Variants in PROM2 observed in about 807,000 individuals in gnomAD.
The protein encoded by PROM2 is prominin-2.
In PROM2, 90 loss-of-function variants were observed where a neutral mutation model predicts 110.2. That is an observed-to-expected ratio of 0.82 (90% confidence interval 0.69 to 0.97). The LOEUF is 0.97. Ranked by LOEUF, PROM2 falls within the 50% of genes least tolerant of loss-of-function variation. The pLI, the probability that PROM2 is intolerant of heterozygous loss-of-function variation, is 0.00. For missense variants in PROM2, 1,009 were observed against 1,074.8 expected, an observed-to-expected ratio of 0.94 and a Z score of 0.86; for synonymous variants, 470 against 467.8, an observed-to-expected ratio of 1.00 and a Z score of -0.06.
At chr2:95,285,300 C>A (rs1229000414) in intron 15 of PROM2, among the ~76,000 whole-genome samples, 185 bp downstream of exon 15, 1 of 152,204 alleles carries the variant, frequency 6.6e-6, no homozygotes, top group African/African-American at 2.4e-5. Flanking sequence ...GCCACCACCC[C>A]GGTCACACAG....
intron 14 of PROM2, among the ~76,000 whole-genome samples, chr2:95,282,940 G>A (rs1416655346): frequency 6.6e-6 from 1 of 152,120 alleles, no homozygotes. Context: ...CCCAAACACA[G>A]AGCATGCTAA....
rs575480690 is a variant in PROM2, at chr2:95,285,774, G to C, written c.1947+64G>C. 3.4e-5 allele frequency: 50 copies of C among 1,489,536 alleles called. No homozygotes were observed. In the African/African-American group the frequency reaches 6.4e-4, roughly 19 times the overall value. The allele number at this position is 1,489,536 out of a possible 1,614,324, so 92.3% of individuals were successfully genotyped here. On this transcript the variant is annotated intron_variant, in intron 16 of 23. Coordinates refer to ENST00000317620, the MANE Select transcript of PROM2 (RefSeq NM_001165978.3). ...CACAGGGGGCTTGGGAGGCGGGAAAGGGTGGGAGGATGTGAGGGCAAAGGC... is the reference window on the plus strand; with the variant it reads ...CACAGGGGGCTTGGGAGGCGGGAAACGGTGGGAGGATGTGAGGGCAAAGGC...
chr2:95,278,012 C>T lies in PROM2; in HGVS notation c.1050+8C>T. ...TCCAGCATGGTCCAGGAGGTGAGAG[C>T]CACCTGGTCTGCCTGATTTCTCCCT... On this transcript the variant is annotated splice_region_variant and intron_variant, in intron 8 of 23. Coordinates refer to ENST00000317620, the MANE Select transcript of PROM2 (RefSeq NM_001165978.3). 1 of 1,606,504 alleles carries T rather than the reference C, an allele frequency of 6.2e-7. No individual in the cohort carries two copies. The highest frequency in any genetic ancestry group is 1.1e-5 in the South Asian group (1 of 89,174).
rs371857536 is a variant in PROM2, at chr2:95,275,941, C to T, written c.306C>T (p.Tyr102=). The change falls in exon 3 of 24, where the codon TAC becomes TAT. Residue 102 remains tyrosine (Y), a synonymous_variant. Transcript: ENST00000317620. This position sits in a 1 kb window ranked among gnomAD's most constrained non-coding sequence, Gnocchi z 4.4. Reference sequence around the variant, plus strand: ...TGCTGCCTGCCCAGGTGGTGCGGTACGAGGCGGGCTACGTGGTATGCGCTG... The same window carrying T: ...TGCTGCCTGCCCAGGTGGTGCGGTATGAGGCGGGCTACGTGGTATGCGCTG... ...ASVKVNEVVR[Y]EAGYVVCAVI... 94 of 1,610,584 alleles carry T rather than the reference C, an allele frequency of 5.8e-5. No individual in the cohort carries two copies. The highest frequency in any genetic ancestry group is 2.0e-4 in the Admixed American group (12 of 59,644).
At position 95,286,855 on chromosome 2, in the gene PROM2, C is replaced by T; in HGVS notation, c.2092C>T (p.Gln698Ter). ...RALESSAPNLQLETSDVLANV... is the reference protein window; with the variant it reads ...RALESSAPNL ...CCTGGAGTCCTCTGCCCCGAATCTC[C>T]AGGTGGCTGCTGTTGGTGGGGACGT... Residue 698 changes from glutamine (Q) to a stop codon, truncating the protein, a stop_gained and splice_region_variant, in exon 18 of 24, where the codon CAG (glutamine) becomes TAG (stop). Transcript: ENST00000317620. LOFTEE classifies it high-confidence loss of function. The T allele has an allele frequency of 6.2e-7, 1 of 1,613,794 alleles. No individual in the cohort carries two copies. Among genetic ancestry groups the T allele is most frequent in the Non-Finnish European group, 8.5e-7 (1 of 1,179,964 alleles).
Position 95,287,127 on chromosome 2 carries a change from C to T in PROM2, c.2095-6C>T. Reference sequence around the variant, plus strand: ...GACACTGAGTTGAGGCTCTCGTCCCCTCCAGCTGGAGACCTCAGATGTCCT... The same window carrying T: ...GACACTGAGTTGAGGCTCTCGTCCCTTCCAGCTGGAGACCTCAGATGTCCT... On this transcript the variant is annotated splice_polypyrimidine_tract_variant and splice_region_variant and intron_variant, in intron 18 of 23. Coordinates refer to ENST00000317620, the MANE Select transcript of PROM2 (RefSeq NM_001165978.3). 1 of 1,613,660 alleles carries T rather than the reference C, an allele frequency of 6.2e-7. No homozygotes were observed. Among genetic ancestry groups the T allele is most frequent in the Non-Finnish European group, 8.5e-7 (1 of 1,179,750 alleles).
Position 95,289,594 on chromosome 2 carries a change from G to T in PROM2, c.*381G>T. 8.8e-6 allele frequency: 1 copy of T among 113,474 alleles called. No homozygotes were observed. Among genetic ancestry groups the T allele is most frequent in the Non-Finnish European group, 1.8e-5 (1 of 55,404 alleles). 7.0% of individuals were successfully genotyped at this position (113,474 alleles called of 1,614,324 possible). Reference sequence around the variant, plus strand: ...TCCCCTTCCCGTGTGTCTTCCCCCTGCCAAGCCTCCCCCTGCCAAGCCTCC... The same window carrying T: ...TCCCCTTCCCGTGTGTCTTCCCCCTTCCAAGCCTCCCCCTGCCAAGCCTCC... On this transcript the variant is annotated 3_prime_UTR_variant, in exon 24 of 24. Coordinates refer to ENST00000317620, the MANE Select transcript of PROM2 (RefSeq NM_001165978.3).
intron 21 of PROM2, 52 bp downstream of exon 21, chr2:95,288,352 G>C: frequency 1.2e-6 from 2 of 1,605,698 alleles, no homozygotes; most frequent in East Asian, 2.2e-5. Flanking sequence ...GAGCCTTCCT[G>C]CTCTCCAGGG....
rs149295538 is a variant in PROM2 at position 95,282,163 on chromosome 2, G to T, written c.1665G>T (p.Ala555=). 1.9e-6 allele frequency: 3 copies of T among 1,613,768 alleles called. No homozygotes were observed. The highest frequency in any genetic ancestry group is 3.3e-4 in the Middle Eastern group (2 of 6,082). Residue 555 remains alanine, a synonymous_variant, in exon 14 of 24, where the codon GCG becomes GCT. Transcript: ENST00000317620. ...QAYQQCKEGA[A]LWTVLQLNDS... ...TCAGGCAGTGCAAGGAAGGGGCAGCGCTCTGGACAGTCCTGCAGCTCAACG... is the reference window on the plus strand; with the variant it reads ...TCAGGCAGTGCAAGGAAGGGGCAGCTCTCTGGACAGTCCTGCAGCTCAACG...
chr2:95,288,839 G>C, intron 22 of PROM2, 94 bp from the exon 23 acceptor site: 3 of 1,308,832 alleles, frequency 2.3e-6, no homozygotes, highest in East Asian at 2.3e-5. Flanking sequence ...CAGGGCTTCC[G>C]AGGAGAAACC....
chr2:95,285,845 C>T (rs960479840), intron 16 of PROM2, 135 bp downstream of exon 16: 15 of 778,068 alleles, frequency 1.9e-5, no homozygotes, highest in Non-Finnish European at 2.9e-5. Context: ...CTCCTGACCC[C>T]TGGCTGGGCT....
chr2:95,281,224 G>A lies in PROM2; in HGVS notation c.1428-18G>A. Reference sequence around the variant, plus strand: ...CCAGTCCCTGCTGTCCCTCAGTCCTGCCTCTCGCCTACCCCAGAGGTGTGG... The same window carrying A: ...CCAGTCCCTGCTGTCCCTCAGTCCTACCTCTCGCCTACCCCAGAGGTGTGG... On this transcript the variant is annotated intron_variant, in intron 11 of 23. Coordinates refer to ENST00000317620, the MANE Select transcript of PROM2 (RefSeq NM_001165978.3). 6.2e-7 allele frequency: 1 copy of A among 1,610,228 alleles called. No individual in the cohort carries two copies.
intron 18 of PROM2, 46 bp from the exon 19 acceptor site, chr2:95,287,087 G>A: frequency 6.5e-7 from 1 of 1,533,036 alleles, no homozygotes; most frequent in Non-Finnish European, 9.0e-7. Context: ...TTAATGAATG[G>A]ATGCGTGAAT....
intron 16 of PROM2, among the ~76,000 whole-genome samples, chr2:95,286,269 C>A (rs536159456): frequency 6.6e-6 from 1 of 152,204 alleles, no homozygotes; most frequent in Non-Finnish European, 1.5e-5. Context: ...TGTTCTGTGA[C>A]TGACTTAGGG....
chr2:95,285,813 C>A, intron 16 of PROM2, 103 bp downstream of exon 16: 1 of 1,132,088 alleles, frequency 8.8e-7, no homozygotes. Context: ...GAACTGAGGA[C>A]CCCCACCAGT....
chr2:95,287,523 C>T (rs1320948849), intron 20 of PROM2, 59 bp downstream of exon 20: 40 of 1,557,364 alleles, frequency 2.6e-5, no homozygotes, highest in Non-Finnish European at 3.1e-5. Flanking sequence ...AGCTGTTCAC[C>T]CTGCTCTGCC....
chr2:95,276,025 C>T lies in PROM2; in HGVS notation c.390C>T (p.Cys130=). ...VPTAGLCFCC[C]RCHRRCGGRV... ...CTGCCGGGCTTTGCTTCTGCTGCTGCCGCTGCCACCGGCGCTGCGGGGGAC... is the reference window on the plus strand; with the variant it reads ...CTGCCGGGCTTTGCTTCTGCTGCTGTCGCTGCCACCGGCGCTGCGGGGGAC... The change falls in exon 3 of 24, where the codon TGC becomes TGT. Residue 130 remains cysteine, a synonymous_variant. Transcript: ENST00000317620. The surrounding 1 kb of genome is among the most constrained non-coding windows in gnomAD (Gnocchi z 4.6). 6.2e-7 allele frequency: 1 copy of T among 1,611,578 alleles called. No individual in the cohort carries two copies.
chr2:95,276,684 G>T lies in PROM2; in HGVS notation c.682+27G>T. The T allele has an allele frequency of 1.9e-6, 3 of 1,611,318 alleles. No individual in the cohort carries two copies. Among genetic ancestry groups the T allele is most frequent in the Non-Finnish European group, 2.5e-6 (3 of 1,179,310 alleles). On this transcript the variant is annotated intron_variant, in intron 5 of 23. Coordinates refer to ENST00000317620, the MANE Select transcript of PROM2 (RefSeq NM_001165978.3). This position sits in a 1 kb window ranked among gnomAD's most constrained non-coding sequence, Gnocchi z 4.6. ...TGAGGGTCTCGGGGACTGGCAGGTG[G>T]GCTGGCTCCTTCCAGGGCCCCTGCT...
chr2:95,278,769 T>A lies in PROM2; in HGVS notation c.1099T>A (p.Ser367Thr). 6.2e-7 allele frequency: 1 copy of A among 1,613,992 alleles called. No homozygotes were observed. Among genetic ancestry groups the A allele is most frequent in the Non-Finnish European group, 8.5e-7 (1 of 1,180,008 alleles). ...ALPALAAMQT[S>T]SVVQELKKAV... ...TCCAGCCCTGGCTGCCATGCAGACA[T>A]CCAGCGTGGTGCAAGGTTAGGCCAC... Residue 367 changes from serine (S) to threonine (T), a missense_variant, in exon 9 of 24, where the codon TCC (serine) becomes ACC (threonine). Physicochemically the swap from Ser to Thr is moderately conservative, Grantham distance 58. Coordinates refer to ENST00000317620, the MANE Select transcript of PROM2 (RefSeq NM_001165978.3).
Sources: allele counts gnomAD v4.1 joint callset (sites outside exome capture counted in the v4.1 genomes callset), GRCh38; gene constraint gnomAD v4.1.1; non-coding constraint Gnocchi (gnomAD v3.1); transcripts MANE v1.5; gene names NCBI Gene and HGNC (gene_info 2026-07-23, HGNC 2026-07-21).